The following FAM53C variants were observed in gnomAD, a reference collection of about 807,000 sequenced individuals.
The protein encoded by FAM53C is protein FAM53C.
In FAM53C, 10 loss-of-function variants were observed where a neutral mutation model predicts 34.7. The ratio of observed to expected loss-of-function variants is 0.29; its 90% CI spans 0.18 to 0.49. The LOEUF is 0.49. FAM53C is among the 20% of genes least tolerant of loss of function. FAM53C has a pLI of 0.99. For missense variants in FAM53C, 442 were observed against 515.3 expected (o/e 0.86, Z 1.38); for synonymous variants, 203 against 203.6 (o/e 1.00, Z 0.03).
rs768741279 is a variant in FAM53C at position 138,341,325 on chromosome 5, T to A, written c.-11T>A. ...GCTCCAAAGTGTGCAAGTCAAATCCTGGGGAGAATCATGATAACCCTGATC... is the reference window on the plus strand; with the variant it reads ...GCTCCAAAGTGTGCAAGTCAAATCCAGGGGAGAATCATGATAACCCTGATC... On this transcript the variant is annotated 5_prime_UTR_variant, in exon 2 of 5. Coordinates refer to ENST00000239906, the MANE Select transcript of FAM53C (RefSeq NM_016605.3). 1.6e-5 allele frequency: 26 copies of A among 1,612,928 alleles called. No individual in the cohort carries two copies. In the South Asian group the frequency reaches 2.6e-4, roughly 16 times the overall value.
In FAM53C at chr5:138,348,006, G is replaced by A. The variant is rs574282562; in HGVS notation, c.*1047G>A. 4.6e-5 allele frequency: 7 copies of A among 152,806 alleles called. No individual in the cohort carries two copies. The East Asian group carries it at 9.7e-4, about 21-fold the overall frequency. The allele number at this position is 152,806 out of a possible 1,614,324, so 9.5% of individuals were successfully genotyped here. A position where few individuals can be genotyped will look rare whatever the true frequency, so the allele number is the denominator to read the frequency against. On this transcript the variant is annotated 3_prime_UTR_variant, in exon 5 of 5. Transcript: ENST00000239906. ...GGCATTCAGTCCCCAGCAGACATGG[G>A]TGAGCTCACCCCAGCACTGCTGTTG...
rs370960937 is a variant in FAM53C at position 138,347,010 on chromosome 5, C to T, written c.*51C>T. ...ACACAGACTGACTCTCTCATGGCTACTAACAAGTGTCGAGTCCCCAAGGCT... is the reference window on the plus strand; with the variant it reads ...ACACAGACTGACTCTCTCATGGCTATTAACAAGTGTCGAGTCCCCAAGGCT... On this transcript the variant is annotated 3_prime_UTR_variant, in exon 5 of 5. Transcript: ENST00000239906. The T allele has an allele frequency of 2.4e-4, 390 of 1,609,984 alleles. 3 individuals carry two copies. Among genetic ancestry groups the T allele is most frequent in the Non-Finnish European group, 2.8e-4 (325 of 1,178,718 alleles).
At chr5:138,338,382 C>T in intron 1 of FAM53C, 75 bp downstream of exon 1, 1 of 382,562 alleles carries the variant, frequency 2.6e-6, no homozygotes. Flanking sequence ...TTCCCTCTTT[C>T]CCCTCCCCCA....
At position 138,341,275 on chromosome 5, in the gene FAM53C, A is replaced by G. The variant is rs1401006883; in HGVS notation, c.-61A>G. 4.2e-6 allele frequency: 6 copies of G among 1,421,298 alleles called. No homozygotes were observed. The highest frequency in any genetic ancestry group is 6.0e-6 in the Non-Finnish European group (6 of 1,004,064). The allele number at this position is 1,421,298 out of a possible 1,614,324, so 88.0% of individuals were successfully genotyped here. On this transcript the variant is annotated 5_prime_UTR_variant, in exon 2 of 5. Transcript: ENST00000239906. ...CGGCTCACAAGTGAGGTCTGGAAGA[A>G]CAACAGGGAAGACATCCATCATTTG...
rs953458022 is a variant in FAM53C at position 138,348,808 on chromosome 5, T to G, written c.*1849T>G. 1 of 152,274 alleles carries G rather than the reference T, an allele frequency of 6.6e-6. No homozygotes were observed. The highest frequency in any genetic ancestry group is 6.5e-5 in the Admixed American group (1 of 15,288). 9.4% of individuals were successfully genotyped at this position (152,274 alleles called of 1,614,324 possible). A position where few individuals can be genotyped will look rare whatever the true frequency, so the allele number is the denominator to read the frequency against. On this transcript the variant is annotated 3_prime_UTR_variant, in exon 5 of 5. Coordinates refer to ENST00000239906, the MANE Select transcript of FAM53C (RefSeq NM_016605.3). The stretch of plus-strand genomic sequence containing the variant: ...TGTGAGCCCAGGAGTTGCCCATCTA[T>G]GGTTTCATTCCTCCCCTGGCTCTTC...
chr5:138,338,826 C>T (rs1760919928), intron 1 of FAM53C, among the ~76,000 whole-genome samples: 1 of 152,242 alleles, frequency 6.6e-6, no homozygotes, highest in African/African-American at 2.4e-5. Flanking sequence ...TCATGTTTTT[C>T]TTCAGTCTCC....
intron 1 of FAM53C, among the ~76,000 whole-genome samples, chr5:138,339,008 G>A (rs1278360195): frequency 6.6e-6 from 1 of 152,144 alleles, no homozygotes; most frequent in Admixed American, 6.5e-5. Flanking sequence ...GTGGGGGTCT[G>A]ATCTTTATTT....
chr5:138,345,925 A>G lies in FAM53C; in HGVS notation c.921+316A>G, dbSNP rs1761161793. 1.3e-5 allele frequency among the ~76,000 whole-genome samples: 2 copies of G among 152,228 alleles called. No homozygotes were observed. The highest frequency in any genetic ancestry group is 2.9e-5 in the Non-Finnish European group (2 of 68,036). ...TTTCCCTCCTTTCCAAGAATGCACA[A>G]GCTGCAAAAAATTCCATCAGTACCT... On this transcript the variant is annotated intron_variant, in intron 4 of 4. Coordinates refer to ENST00000239906, the MANE Select transcript of FAM53C (RefSeq NM_016605.3). The surrounding 1 kb of genome is among the most constrained non-coding windows in gnomAD (Gnocchi z 6.3).
intron 3 of FAM53C, among the ~76,000 whole-genome samples, chr5:138,344,046 A>T (rs1169648413): frequency 1.3e-5 from 2 of 152,194 alleles, no homozygotes; most frequent in Non-Finnish European, 2.9e-5. Flanking sequence ...CCGTCTCCCA[A>T]AAGTCACAAT....
At chr5:138,338,103 C>G, upstream of FAM53C, 2 of 1,289,822 alleles carry the variant, frequency 1.6e-6, no homozygotes, top group Non-Finnish European at 2.0e-6. Flanking sequence ...TTCCCAACAG[C>G]GCTGTCCGAG....
rs554693309 is a variant in FAM53C at position 138,342,554 on chromosome 5, C to T, written c.136+688C>T. On this transcript the variant is annotated intron_variant, in intron 3 of 4. Transcript: ENST00000239906. ...ACCAGCCTGACCAACATGGAGAAAC[C>T]CCATCTCTACTAAAAATATAAAATT... 3.9e-5 allele frequency: 6 copies of T among 152,158 alleles called. No homozygotes were observed. The East Asian group carries it at 1.2e-3, about 29-fold the overall frequency. 9.4% of individuals were successfully genotyped at this position (152,158 alleles called of 1,614,324 possible).
At chr5:138,340,293 C>T (rs1196566130) in intron 1 of FAM53C, among the ~76,000 whole-genome samples, 1 of 152,172 alleles carries the variant, frequency 6.6e-6, no homozygotes, top group African/African-American at 2.4e-5. Context: ...ATGATTTGTT[C>T]TCTTGACTAG....
chr5:138,339,280 G>GCTGGTTTGCCTTCTTTTGTGTC (rs1760947167), intron 1 of FAM53C, among the ~76,000 whole-genome samples: 1 of 152,180 alleles, frequency 6.6e-6, no homozygotes, highest in African/African-American at 2.4e-5. Flanking sequence ...CCCTCGCGGA[G>GCTGGTTTGCCTTCTTTTGTGTC]CTGGTTTGCC....
At position 138,347,100 on chromosome 5, in the gene FAM53C, C is replaced by G; in HGVS notation, c.*141C>G. ...GACTCAGGGCAGCTGGAAATCTTCT[C>G]GCTCCAGCAAGCTCGACCATGCCAA... On this transcript the variant is annotated 3_prime_UTR_variant, in exon 5 of 5. Coordinates refer to ENST00000239906, the MANE Select transcript of FAM53C (RefSeq NM_016605.3). The G allele has an allele frequency of 8.4e-7, 1 of 1,196,986 alleles. No individual in the cohort carries two copies. Among genetic ancestry groups the G allele is most frequent in the East Asian group, 2.3e-5 (1 of 42,826 alleles). The allele number at this position is 1,196,986 out of a possible 1,614,324, so 74.1% of individuals were successfully genotyped here. A position where few individuals can be genotyped will look rare whatever the true frequency, so the allele number is the denominator to read the frequency against.
chr5:138,343,442 G>A (rs1008950280), intron 3 of FAM53C, among the ~76,000 whole-genome samples: 4 of 151,680 alleles, frequency 2.6e-5, no homozygotes, highest in African/African-American at 4.8e-5. Flanking sequence ...TCCAGGAGGC[G>A]GAGGTTGCAG....
At chr5:138,338,115 G>C, upstream of FAM53C, 2 of 1,289,794 alleles carry the variant, frequency 1.6e-6, no homozygotes, top group Middle Eastern at 2.1e-4. Flanking sequence ...CTGTCCGAGA[G>C]ACACTTTGAG....
At position 138,340,103 on chromosome 5, in the gene FAM53C, G is replaced by A. The variant is rs183869000; in HGVS notation, c.-152-1081G>A. Among the ~76,000 whole-genome samples the A allele has an allele frequency of 1.8e-3, 267 of 152,320 alleles. 2 individuals carry two copies. The highest frequency in any genetic ancestry group is 6.1e-3 in the African/African-American group (253 of 41,570). On this transcript the variant is annotated intron_variant, in intron 1 of 4. Coordinates refer to ENST00000239906, the MANE Select transcript of FAM53C (RefSeq NM_016605.3). ...AAACGGGAACGAGAAATGGTAGTCT[G>A]TGTGGACTCCTGATTTTTATAGGTC...
intron 1 of FAM53C, among the ~76,000 whole-genome samples, chr5:138,340,114 T>C (rs1443265855): frequency 6.6e-6 from 1 of 152,222 alleles, no homozygotes; most frequent in Non-Finnish European, 1.5e-5. Context: ...TGTGGACTCC[T>C]GATTTTTATA....
intron 3 of FAM53C, 79 bp downstream of exon 3, chr5:138,341,945 C>T: frequency 1.4e-6 from 2 of 1,426,468 alleles, no homozygotes; most frequent in Non-Finnish European, 2.0e-6. Flanking sequence ...TTTCCAGTGA[C>T]CAGGGCTAGC....
Sources: allele counts gnomAD v4.1 joint callset (sites outside exome capture counted in the v4.1 genomes callset), GRCh38; gene constraint gnomAD v4.1.1; non-coding constraint Gnocchi (gnomAD v3.1); transcripts MANE v1.5; gene names NCBI Gene and HGNC (gene_info 2026-07-23, HGNC 2026-07-21).